Variants in SVOPL observed in about 807,000 individuals in gnomAD.
The protein encoded by SVOPL is putative transporter SVOPL.
In SVOPL, 60 loss-of-function variants were observed where a neutral mutation model predicts 61.0. The observed-to-expected ratio is 0.98, with a 90% CI of 0.80 to 1.22. SVOPL has a LOEUF of 1.22. Ranked by LOEUF, SVOPL falls within the 50% of genes most tolerant of loss-of-function variation. SVOPL has a pLI of 0.00. For synonymous variants in SVOPL, 279 were observed against 250.0 expected (o/e 1.12, Z -1.09); for missense variants, 662 against 643.9 (o/e 1.03, Z -0.30).
intron 7 of SVOPL, among the ~76,000 whole-genome samples, chr7:138,651,866 GTC>G (rs1801452865): frequency 1.3e-5 from 2 of 152,064 alleles, no homozygotes; most frequent in Admixed American, 1.3e-4. Flanking sequence ...TCCTATAGTG[GTC>G]TCTAAGTGTT....
chr7:138,661,962 C>T, intron 5 of SVOPL: 1 of 985,450 alleles, frequency 1.0e-6, no homozygotes, highest in Non-Finnish European at 1.2e-6. Context: ...CAATAGGCTC[C>T]TCTTGAACTT....
At position 138,640,530 on chromosome 7, in the gene SVOPL, G is replaced by A. The variant is rs187419210; in HGVS notation, c.789+4187C>T. ...CTCTCAAAGTGCTGGGATTACAGGC[G>A]TGAGCCACTGCACCCAGCTTTTTAA... is the stretch of plus-strand genomic sequence containing the variant. On this transcript the variant is annotated intron_variant, in intron 9 of 15. Coordinates refer to ENST00000674285, the MANE Select transcript of SVOPL (RefSeq NM_001139456.2). Among the ~76,000 whole-genome samples, 215 of 152,280 alleles carry A rather than the reference G, an allele frequency of 1.4e-3. 1 individual carries two copies. The highest frequency in any genetic ancestry group is 4.8e-3 in the African/African-American group (198 of 41,566).
chr7:138,637,273 C>T (rs1472847407), intron 9 of SVOPL, among the ~76,000 whole-genome samples: 2 of 151,704 alleles, frequency 1.3e-5, no homozygotes, highest in South Asian at 2.1e-4. Context: ...ACTAAAAATA[C>T]AAAAATTAGT....
intron 8 of SVOPL, among the ~76,000 whole-genome samples, chr7:138,646,986 G>A (rs1419274282): frequency 6.6e-6 from 1 of 152,188 alleles, no homozygotes; most frequent in Non-Finnish European, 1.5e-5. Context: ...GAAGAAAATG[G>A]ACATGGCTCT....
At chr7:138,601,508 G>C (rs1334475931) in intron 14 of SVOPL, among the ~76,000 whole-genome samples, 1 of 151,240 alleles carries the variant, frequency 6.6e-6, no homozygotes, top group Non-Finnish European at 1.5e-5. Flanking sequence ...AAGAAGCCAG[G>C]CACAAAAAGA....
chr7:138,669,598 C>T (rs1437675334), intron 4 of SVOPL, among the ~76,000 whole-genome samples: 1 of 152,184 alleles, frequency 6.6e-6, no homozygotes, highest in Non-Finnish European at 1.5e-5. Flanking sequence ...AACAGAACAA[C>T]CTTTGTTCCT....
intron 14 of SVOPL, among the ~76,000 whole-genome samples, chr7:138,615,999 A>C (rs1416440739): frequency 6.6e-6 from 1 of 151,518 alleles, no homozygotes; most frequent in African/African-American, 2.4e-5. Context: ...TAAATAAAAT[A>C]AAAATAAAAG....
intron 14 of SVOPL, among the ~76,000 whole-genome samples, chr7:138,618,608 C>T (rs943470894): frequency 5.3e-5 from 8 of 152,018 alleles, no homozygotes; most frequent in Non-Finnish European, 8.8e-5. Context: ...TTGCAGTGAA[C>T]CAAGATCATA....
chr7:138,664,148 A>T, intron 4 of SVOPL: 1 of 904,376 alleles, frequency 1.1e-6, no homozygotes, highest in Non-Finnish European at 1.3e-6. Flanking sequence ...GCCCCCAACG[A>T]TCCTCAGTGG....
At chr7:138,651,981 C>A (rs1283104637) in intron 7 of SVOPL, among the ~76,000 whole-genome samples, 11 of 152,128 alleles carry the variant, frequency 7.2e-5, no homozygotes, top group African/African-American at 2.4e-4. Flanking sequence ...CTCACTGCAA[C>A]CTCAACTTCC....
intron 9 of SVOPL, among the ~76,000 whole-genome samples, chr7:138,635,313 A>G (rs1296653941): frequency 6.6e-6 from 1 of 151,442 alleles, no homozygotes; most frequent in East Asian, 1.9e-4. Context: ...CTTGTTATGT[A>G]TATTTTGCCA....
At chr7:138,618,895 C>T (rs1009097909) in intron 14 of SVOPL, among the ~76,000 whole-genome samples, 1 of 152,094 alleles carries the variant, frequency 6.6e-6, no homozygotes, top group Middle Eastern at 3.2e-3. Context: ...TCCAGGTGGG[C>T]TACAGGAGGC....
chr7:138,661,631 T>C, intron 5 of SVOPL: 1 of 982,322 alleles, frequency 1.0e-6, no homozygotes, highest in Non-Finnish European at 1.2e-6. Flanking sequence ...GTTTTTAGAT[T>C]TTGTGACACC....
At chr7:138,626,994 G>A (rs1440226411) in intron 12 of SVOPL, among the ~76,000 whole-genome samples, 1 of 152,122 alleles carries the variant, frequency 6.6e-6, no homozygotes, top group Non-Finnish European at 1.5e-5. Flanking sequence ...GCACAAATAA[G>A]CACACTGTCT....
chr7:138,621,930 GTATCTATC>G (rs1563095741), intron 13 of SVOPL, among the ~76,000 whole-genome samples: 1 of 15,474 alleles, frequency 6.5e-5, no homozygotes. Context: ...ATCTATCTAT[GTATCTATC>G]TATCTATGTA....
chr7:138,674,615 G>A (rs528628194), intron 3 of SVOPL, among the ~76,000 whole-genome samples: 2 of 152,128 alleles, frequency 1.3e-5, no homozygotes, highest in East Asian at 3.9e-4. Flanking sequence ...CCAGCACTTT[G>A]GGAGGCCGAG....
At chr7:138,643,631 T>C (rs1242619920) in intron 9 of SVOPL, among the ~76,000 whole-genome samples, 1 of 151,796 alleles carries the variant, frequency 6.6e-6, no homozygotes, top group Non-Finnish European at 1.5e-5. Flanking sequence ...CTTAAGGACA[T>C]TATGCGAAAT....
At chr7:138,675,956 A>G (rs1802549124) in intron 3 of SVOPL, among the ~76,000 whole-genome samples, 1 of 152,130 alleles carries the variant, frequency 6.6e-6, no homozygotes, top group Non-Finnish European at 1.5e-5. Flanking sequence ...CTCCTGCCTC[A>G]GCCTCCCAAG....
intron 4 of SVOPL, among the ~76,000 whole-genome samples, chr7:138,664,826 T>G: frequency 1.7e-5 from 1 of 58,264 alleles, no homozygotes; most frequent in Admixed American, 2.1e-4. Flanking sequence ...GCTCGACCCT[T>G]CCCCCCACCC....
Sources: allele counts gnomAD v4.1 joint callset (sites outside exome capture counted in the v4.1 genomes callset), GRCh38; gene constraint gnomAD v4.1.1; transcripts MANE v1.5; gene names NCBI Gene and HGNC (gene_info 2026-07-23, HGNC 2026-07-21).